Variants in DRC1 observed in about 807,000 individuals in gnomAD.
DRC1 encodes the protein dynein regulatory complex protein 1.
In DRC1, 74 loss-of-function variants were observed where a neutral mutation model predicts 98.7. That is an observed-to-expected ratio of 0.75 (90% CI 0.62 to 0.91). DRC1 has a LOEUF of 0.91. Among genes scored for constraint, DRC1 ranks in the 40% least tolerant of loss-of-function variants. DRC1 has a pLI of 0.00. For missense variants in DRC1, 875 were observed against 886.0 expected (o/e 0.99, Z 0.16); for synonymous variants, 336 against 334.1 (o/e 1.01, Z -0.06).
intron 6 of DRC1, 143 bp from the exon 7 acceptor site, chr2:26,431,741 A>C: frequency 7.5e-7 from 1 of 1,339,256 alleles, no homozygotes; most frequent in Non-Finnish European, 1.0e-6. Flanking sequence ...TTGGGTATTC[A>C]GGACTTCTGA....
chr2:26,418,622 TATAAA>T (rs1176721498), intron 2 of DRC1, among the ~76,000 whole-genome samples: 10 of 102,162 alleles, frequency 9.8e-5, no homozygotes, highest in Admixed American at 8.7e-4. Flanking sequence ...TTATATATAA[TATAAA>T]TTATATATAA....
chr2:26,408,020 C>T (rs1022895898), intron 1 of DRC1, among the ~76,000 whole-genome samples: 4 of 152,166 alleles, frequency 2.6e-5, no homozygotes, highest in Non-Finnish European at 5.9e-5. Flanking sequence ...TATTTTCTCC[C>T]CTTCAAAGCC....
intron 10 of DRC1, 141 bp from the exon 11 acceptor site, chr2:26,448,550 A>G (rs1663918429): frequency 2.3e-6 from 2 of 868,520 alleles, no homozygotes; most frequent in East Asian, 5.3e-5. Flanking sequence ...TTCATCATAA[A>G]GAGACTGAGA....
At chr2:26,408,455 C>T (rs1276135644) in intron 1 of DRC1, among the ~76,000 whole-genome samples, 1 of 152,072 alleles carries the variant, frequency 6.6e-6, no homozygotes, top group Non-Finnish European at 1.5e-5. Flanking sequence ...TGGAATCCGA[C>T]CAGCCCCAAA....
Position 26,440,530 on chromosome 2 carries a change from GC to G in DRC1, c.1028+14del. ...GGAAGATCAATCGGTAAGCTAGCAT[GC>G]AGAGCGTCTTTCTTCTGGGCCTTCT... On this transcript the variant is annotated intron_variant, in intron 8 of 16. Coordinates refer to ENST00000288710, the MANE Select transcript of DRC1 (RefSeq NM_145038.5). 5 of 1,606,818 alleles carry G rather than the reference GC, an allele frequency of 3.1e-6. No individual in the cohort carries two copies. The highest frequency in any genetic ancestry group is 4.3e-6 in the Non-Finnish European group (5 of 1,175,954).
chr2:26,452,092 G>A (rs567259483), intron 13 of DRC1, among the ~76,000 whole-genome samples: 54 of 67,796 alleles, frequency 8.0e-4, no homozygotes, highest in East Asian at 4.2e-3. Flanking sequence ...TTATGTTGGC[G>A]CAAAAAAAAA....
At chr2:26,444,481 A>G in intron 9 of DRC1, 125 bp downstream of exon 9, 1 of 1,338,184 alleles carries the variant, frequency 7.5e-7, no homozygotes, top group Non-Finnish European at 1.0e-6. Context: ...ACCAGGCACT[A>G]GTTAACCTTT....
In DRC1 at chr2:26,454,635, C is replaced by T; in HGVS notation, c.1920-12C>T. On this transcript the variant is annotated splice_polypyrimidine_tract_variant and intron_variant, in intron 14 of 16. Transcript: ENST00000288710. The surrounding 1 kb of genome is among the most constrained non-coding windows in gnomAD (Gnocchi z 5.2). ...CAATGGACATGACAATCACTGTGCT[C>T]TTGGCCTTCAGGGACTCGCGGGCCC... The T allele has an allele frequency of 5.0e-6, 8 of 1,613,834 alleles. No individual in the cohort carries two copies. Among genetic ancestry groups the T allele is most frequent in the Non-Finnish European group, 5.9e-6 (7 of 1,179,870 alleles).
chr2:26,408,630 G>A (rs1449327893), intron 1 of DRC1, among the ~76,000 whole-genome samples: 1 of 152,100 alleles, frequency 6.6e-6, no homozygotes, highest in East Asian at 1.9e-4. Context: ...AAAATTAGCG[G>A]CGTGGTGGTG....
At chr2:26,430,954 C>CTA in intron 6 of DRC1, 82 bp downstream of exon 6, 418 of 424,074 alleles carry the variant, frequency 9.9e-4, no homozygotes, top group Non-Finnish European at 1.4e-3. Flanking sequence ...TAGCCTTTTT[C>CTA]TATCTTTTTT....
Position 26,444,641 on chromosome 2 carries a change from G to C in DRC1, c.1164-75G>C. On this transcript the variant is annotated intron_variant, in intron 9 of 16. Transcript: ENST00000288710. ...TAGCACAGCTCCTTTTCATATTCCT[G>C]CCCTGCTGCTATTTGAGGGGACCCT... The C allele has an allele frequency of 2.2e-6, 3 of 1,388,378 alleles. No individual in the cohort carries two copies. The South Asian group carries it at 3.8e-5, about 17-fold the overall frequency. 86.0% of individuals were successfully genotyped at this position (1,388,378 alleles called of 1,614,324 possible).
intron 1 of DRC1, among the ~76,000 whole-genome samples, chr2:26,412,401 A>G (rs1289987584): frequency 1.3e-5 from 2 of 152,056 alleles, no homozygotes; most frequent in Admixed American, 6.6e-5. Context: ...AAAAAAACAA[A>G]CCTGCTGTGT....
Position 26,448,718 on chromosome 2 carries a change from C to T in DRC1, c.1424C>T (p.Ala475Val), listed in dbSNP as rs200155316. ...GAGGAGGAGGCAGAAGAGGCCGCCG[C>T]GGAACCAGAGTCCTACCTGGATTTG... Reference protein sequence around the residue: ...SEEEEAEEAAAEPESYLDLPK... With the variant: ...SEEEEAEEAAVEPESYLDLPK... The change falls in exon 11 of 17, where the codon GCG becomes GTG. Residue 475 changes from alanine (A) to valine (V), a missense_variant. Coordinates refer to ENST00000288710, the MANE Select transcript of DRC1 (RefSeq NM_145038.5). The T allele has an allele frequency of 8.5e-5, 137 of 1,614,092 alleles. 1 individual carries two copies. Among genetic ancestry groups the T allele is most frequent in the Middle Eastern group, 3.3e-4 (2 of 6,074 alleles).
At chr2:26,413,793 G>A (rs1346265388) in intron 1 of DRC1, among the ~76,000 whole-genome samples, 1 of 152,036 alleles carries the variant, frequency 6.6e-6, no homozygotes, top group Non-Finnish European at 1.5e-5. Context: ...ATTTTAGAAA[G>A]TAAAATCTTT....
chr2:26,414,299 A>G (rs1261258318), intron 1 of DRC1, 45 bp from the exon 2 acceptor site: 3 of 1,598,526 alleles, frequency 1.9e-6, no homozygotes, highest in African/African-American at 2.7e-5. Flanking sequence ...TATAGAATTT[A>G]CGTATTAGAA....
At chr2:26,446,094 ATT>A (rs35251803) in intron 10 of DRC1, among the ~76,000 whole-genome samples, 300 of 82,998 alleles carry the variant, frequency 3.6e-3, no homozygotes, top group South Asian at 6.1e-3. Flanking sequence ...CAAATAGGGA[ATT>A]TTTTTTTTTT....
intron 2 of DRC1, among the ~76,000 whole-genome samples, chr2:26,418,613 TA>T (rs1678913670): frequency 2.0e-5 from 2 of 100,960 alleles, no homozygotes; most frequent in African/African-American, 8.5e-5. Context: ...ATATATAAAT[TA>T]TATATAATAT....
intron 13 of DRC1, among the ~76,000 whole-genome samples, chr2:26,451,002 G>A (rs115507571): frequency 0.044 from 6,762 of 151,974 alleles, 247 homozygotes; most frequent in African/African-American, 0.11. Flanking sequence ...TCTTGTGATC[G>A]TTTGCTGGGA....
chr2:26,453,314 C>T lies in DRC1; in HGVS notation c.1690-6C>T, dbSNP rs745889835. The T allele has an allele frequency of 6.8e-6, 11 of 1,613,962 alleles. No individual in the cohort carries two copies. The African/African-American group carries it at 9.3e-5, about 14-fold the overall frequency. On this transcript the variant is annotated splice_region_variant and splice_polypyrimidine_tract_variant and intron_variant, in intron 13 of 16. Coordinates refer to ENST00000288710, the MANE Select transcript of DRC1 (RefSeq NM_145038.5). The stretch of plus-strand genomic sequence containing the variant: ...AGCCCACAGTTGTCCGTGCATCTTT[C>T]TCCAGATCAAGCCCTGCAGTCAGGC...
Sources: gnomAD v4.1 joint callset for allele counts (sites outside exome capture counted in the v4.1 genomes callset) on GRCh38, gnomAD v4.1.1 for gene constraint, Gnocchi (gnomAD v3.1) non-coding constraint, MANE v1.5 for transcripts, NCBI Gene and HGNC (gene_info 2026-07-23, HGNC 2026-07-21) for gene names.